AKAP6: variants seen among roughly 807,000 people sequenced by gnomAD.
AKAP6 encodes A-kinase anchor protein 6.
Under a neutral mutation model 188.5 loss-of-function variants are expected in AKAP6, and 58 were observed. That is an observed-to-expected ratio of 0.31 (90% CI 0.25 to 0.38). The LOEUF (loss-of-function observed/expected upper bound fraction) is 0.38. Among genes scored for constraint, AKAP6 ranks in the 10% least tolerant of loss-of-function variants. AKAP6 has a pLI of 1.00. For missense variants in AKAP6, 2,710 were observed against 2,740.0 expected (o/e 0.99, Z 0.24); for synonymous variants, 989 against 998.6 (o/e 0.99, Z 0.18).
intron 5 of AKAP6, among the ~76,000 whole-genome samples, chr14:32,593,309 A>T (rs575398521): frequency 6.6e-6 from 1 of 152,248 alleles, no homozygotes; most frequent in East Asian, 1.9e-4. Context: ...GATTGATTGG[A>T]TGTGTGGGTC....
intron 12 of AKAP6, among the ~76,000 whole-genome samples, chr14:32,781,255 A>G (rs1006864593): frequency 6.6e-5 from 10 of 151,906 alleles, no homozygotes; most frequent in African/African-American, 2.4e-4. Context: ...AGAGACAGAC[A>G]TCACTACAGC....
intron 8 of AKAP6, among the ~76,000 whole-genome samples, chr14:32,684,595 G>A (rs1174176144): frequency 1.3e-5 from 2 of 152,144 alleles, no homozygotes; most frequent in Admixed American, 6.5e-5. Context: ...TAAGAGGAGA[G>A]AGAGAAACTA....
At chr14:32,334,608 A>T (rs1886631914) in intron 1 of AKAP6, among the ~76,000 whole-genome samples, 1 of 152,200 alleles carries the variant, frequency 6.6e-6, no homozygotes, top group African/African-American at 2.4e-5. Flanking sequence ...ATGTATAGGA[A>T]AAAACATAGT....
At chr14:32,428,030 C>A (rs1297089353) in intron 1 of AKAP6, among the ~76,000 whole-genome samples, 1 of 152,162 alleles carries the variant, frequency 6.6e-6, no homozygotes, top group Non-Finnish European at 1.5e-5. Flanking sequence ...TCAAACTGTA[C>A]TCATGATAAT....
At chr14:32,439,074 T>C (rs11625892) in intron 2 of AKAP6, 12,147 of 152,136 alleles carry the variant, frequency 0.08, 646 homozygotes, top group South Asian at 0.22. Context: ...CCACATGAGA[T>C]TTGGGTCTGT....
chr14:32,795,894 C>G (rs2033754807), intron 12 of AKAP6, among the ~76,000 whole-genome samples: 1 of 152,200 alleles, frequency 6.6e-6, no homozygotes, highest in African/African-American at 2.4e-5. Flanking sequence ...CCCATCATCT[C>G]AGCTCAAAAG....
chr14:32,766,030 G>T (rs1009754003), intron 11 of AKAP6, among the ~76,000 whole-genome samples: 1 of 151,996 alleles, frequency 6.6e-6, no homozygotes, highest in South Asian at 2.1e-4. Context: ...CCCCTCACTG[G>T]AGGCCATGGC....
chr14:32,520,810 T>C (rs1410875200), intron 2 of AKAP6, among the ~76,000 whole-genome samples: 2 of 152,194 alleles, frequency 1.3e-5, no homozygotes, highest in East Asian at 1.9e-4. Flanking sequence ...TTCCAATCAA[T>C]AGAAAAAGAG....
chr14:32,455,400 A>G (rs1297252290), intron 2 of AKAP6, among the ~76,000 whole-genome samples: 1 of 152,232 alleles, frequency 6.6e-6, no homozygotes, highest in Non-Finnish European at 1.5e-5. Flanking sequence ...TAGATTTGAA[A>G]TGAGTAAGAT....
chr14:32,361,033 G>A (rs896406168), intron 1 of AKAP6, among the ~76,000 whole-genome samples: 3 of 134,708 alleles, frequency 2.2e-5, no homozygotes, highest in African/African-American at 8.0e-5. Flanking sequence ...ATAGGTGTGA[G>A]CCACTGCACA....
chr14:32,707,180 T>G (rs1028788585), intron 9 of AKAP6, among the ~76,000 whole-genome samples: 1 of 109,358 alleles, frequency 9.1e-6, no homozygotes, highest in African/African-American at 2.7e-5. Flanking sequence ...AGTATTAACT[T>G]ATTTAATTTA....
In AKAP6 at chr14:32,535,773, A is replaced by G. The variant is rs1201942960; in HGVS notation, c.544A>G (p.Ile182Val). Residue 182 changes from isoleucine to valine, a missense_variant, in exon 3 of 14, where the codon ATT becomes GTT. Physicochemically the swap from Ile to Val is conservative, Grantham distance 29. Around this residue, in one of 2 missense-constraint regions of AKAP6, gnomAD observed 237 missense variants for 313.9 expected, o/e 0.76. Coordinates refer to ENST00000280979, the MANE Select transcript of AKAP6 (RefSeq NM_004274.5). ...ANGNYTRQTD[I>V]LQAFSEETKE... Reference sequence around the variant, plus strand: ...TGGCAACTACACTAGGCAGACGGACATTCTGCAAGCTTTCTCTGAAGAGAC... The same window carrying G: ...TGGCAACTACACTAGGCAGACGGACGTTCTGCAAGCTTTCTCTGAAGAGAC... The G allele has an allele frequency of 2.5e-6, 4 of 1,613,520 alleles. No individual in the cohort carries two copies. Among genetic ancestry groups the G allele is most frequent in the Non-Finnish European group, 3.4e-6 (4 of 1,179,584 alleles).
chr14:32,780,157 C>CATATATATATATATATATAT lies in AKAP6; in HGVS notation c.3588+6278_3588+6279insATATATATATATATATATAT, dbSNP rs59506546. On this transcript the variant is annotated intron_variant, in intron 12 of 13. Transcript: ENST00000280979. ...TGGAAAAAGAAATTGAAAAAAAAAA[C>CATATATATATATATATATAT]ATATATATATATATGCATGCTTATA... Among the ~76,000 whole-genome samples, 723 of 119,120 alleles carry CATATATATATATATATATAT rather than the reference C, an allele frequency of 6.1e-3. 12 individuals are homozygous for CATATATATATATATATATAT. Among genetic ancestry groups the CATATATATATATATATATAT allele is most frequent in the Middle Eastern group, 0.016 (3 of 190 alleles). 78.1% of individuals were successfully genotyped at this position (119,120 alleles called of 152,430 possible).
chr14:32,751,713 A>G (rs2032148013), intron 11 of AKAP6, among the ~76,000 whole-genome samples: 1 of 152,054 alleles, frequency 6.6e-6, no homozygotes, highest in Non-Finnish European at 1.5e-5. Context: ...TTCTTCATCT[A>G]GGGACTTCTG....
intron 7 of AKAP6, among the ~76,000 whole-genome samples, chr14:32,658,229 G>A (rs550140012): frequency 6.6e-6 from 1 of 152,188 alleles, no homozygotes; most frequent in African/African-American, 2.4e-5. Flanking sequence ...GATTTTTCAA[G>A]CCAAAAGTCT....
intron 1 of AKAP6, among the ~76,000 whole-genome samples, chr14:32,343,704 T>C (rs1886966440): frequency 7.8e-6 from 1 of 127,544 alleles, no homozygotes; most frequent in African/African-American, 3.1e-5. Context: ...GCCGAGATTG[T>C]GCCATGCACT....
At chr14:32,518,904 A>G (rs1298607296) in intron 2 of AKAP6, among the ~76,000 whole-genome samples, 1 of 152,228 alleles carries the variant, frequency 6.6e-6, no homozygotes, top group East Asian at 1.9e-4. Context: ...CAGATTCACC[A>G]AAGTTGAAAT....
chr14:32,597,055 T>C lies in AKAP6; in HGVS notation c.2470-2355T>C, dbSNP rs115864743. On this transcript the variant is annotated intron_variant, in intron 5 of 13. Transcript: ENST00000280979. ...TGGTTCTTTTCTACAGCATCGAGCTTATCAGATTATCTTTTTCCTAATAAT... is the reference window on the plus strand; with the variant it reads ...TGGTTCTTTTCTACAGCATCGAGCTCATCAGATTATCTTTTTCCTAATAAT... 5.0e-3 allele frequency among the ~76,000 whole-genome samples: 756 copies of C among 152,288 alleles called. 8 individuals are homozygous for C. The highest frequency in any genetic ancestry group is 0.016 in the African/African-American group (662 of 41,562).
intron 12 of AKAP6, among the ~76,000 whole-genome samples, chr14:32,819,116 T>A (rs1408744497): frequency 1.3e-5 from 2 of 152,152 alleles, no homozygotes; most frequent in Non-Finnish European, 2.9e-5. Flanking sequence ...ACTCCGTACC[T>A]AAGCCACTGT....
Sources: gnomAD v4.1 joint callset for allele counts (sites outside exome capture counted in the v4.1 genomes callset) on GRCh38, gnomAD v4.1.1 for gene constraint, gnomAD v4.1.1 regional missense constraint, MANE v1.5 for transcripts, NCBI Gene and HGNC (gene_info 2026-07-23, HGNC 2026-07-21) for gene names.